The following CPD variants were observed in gnomAD, a reference collection of about 807,000 sequenced individuals.
CPD encodes carboxypeptidase D.
A neutral mutation model predicts 138.3 loss-of-function variants in CPD; 69 were observed. The observed-to-expected ratio is 0.50, with a 90% confidence interval of 0.41 to 0.61. CPD has a LOEUF of 0.61. Among genes scored for constraint, CPD ranks in the 20% least tolerant of loss-of-function variants. The pLI is 0.00. For synonymous variants in CPD, 651 were observed against 642.1 expected, an observed-to-expected ratio of 1.01 and a Z score of -0.21; for missense variants, 1,432 against 1,733.3, an observed-to-expected ratio of 0.83 and a Z score of 3.09.
chr17:30,442,711 TTAG>T (rs1403851500), intron 10 of CPD, among the ~76,000 whole-genome samples: 2 of 152,128 alleles, frequency 1.3e-5, no homozygotes, highest in African/African-American at 4.8e-5. Context: ...CTCTTAAGGG[TTAG>T]TGGTCACTTT....
intron 20 of CPD, among the ~76,000 whole-genome samples, chr17:30,463,791 T>C (rs974375298): frequency 6.6e-6 from 1 of 152,198 alleles, no homozygotes; most frequent in African/African-American, 2.4e-5. Flanking sequence ...TCTTAGCTTG[T>C]CTCAGATAAA....
At chr17:30,458,856 A>C (rs1191370923) in intron 17 of CPD, among the ~76,000 whole-genome samples, 3 of 124,372 alleles carry the variant, frequency 2.4e-5, no homozygotes, top group Non-Finnish European at 3.3e-5. Flanking sequence ...ACAGAGTGAG[A>C]CCCTGTCTCA....
At chr17:30,423,273 T>A (rs1046302230) in intron 5 of CPD, among the ~76,000 whole-genome samples, 1 of 152,184 alleles carries the variant, frequency 6.6e-6, no homozygotes, top group African/African-American at 2.4e-5. Context: ...CTGCTAATAG[T>A]GTTTTATTTA....
chr17:30,447,288 C>A lies in CPD; in HGVS notation c.2873+1268C>A, dbSNP rs181182612. Among the ~76,000 whole-genome samples the A allele has an allele frequency of 8.3e-4, 126 of 152,218 alleles. 1 individual carries two copies. The highest frequency in any genetic ancestry group is 1.6e-3 in the Non-Finnish European group (108 of 68,016). On this transcript the variant is annotated intron_variant, in intron 12 of 20. Transcript: ENST00000225719. Reference sequence around the variant, plus strand: ...TGAATGGTATTGCCTAGGTTTTCTTCTAGGGTTTTTATGGTTTTAGGTCTA... The same window carrying A: ...TGAATGGTATTGCCTAGGTTTTCTTATAGGGTTTTTATGGTTTTAGGTCTA...
chr17:30,420,627 AT>A (rs1912240453), intron 2 of CPD, among the ~76,000 whole-genome samples: 1 of 152,112 alleles, frequency 6.6e-6, no homozygotes, highest in South Asian at 2.1e-4. Context: ...AATTAAATGT[AT>A]TTTTTCACTA....
At chr17:30,380,779 A>G in intron 1 of CPD, 1 of 584,070 alleles carries the variant, frequency 1.7e-6, no homozygotes, top group Non-Finnish European at 2.9e-6. Flanking sequence ...GATTTTCAGC[A>G]AAAAGGAGAG....
rs1334849611 is a variant in CPD, at chr17:30,427,401, A to C, written c.1860A>C (p.Ile620=). Residue 620 remains isoleucine, a synonymous_variant, in exon 7 of 21, where the codon ATA becomes ATC. Coordinates refer to ENST00000225719, the MANE Select transcript of CPD (RefSeq NM_001304.5). ...GYEKSQEGDS[I]SVIGRNNSNN... is the part of the protein sequence containing the mutation. ...TATCATATCATACAGGAGATTCAAT[A>C]AGTGTAATTGGCAGAAACAACAGCA... 1 of 1,613,942 alleles carries C rather than the reference A, an allele frequency of 6.2e-7. No individual in the cohort carries two copies. The highest frequency in any genetic ancestry group is 8.5e-7 in the Non-Finnish European group (1 of 1,179,840).
At chr17:30,381,196 G>A (rs1019523217) in intron 1 of CPD, among the ~76,000 whole-genome samples, 7 of 151,944 alleles carry the variant, frequency 4.6e-5, no homozygotes, top group African/African-American at 1.5e-4. Context: ...GAACATCTGC[G>A]TAAGAAATAT....
rs572826048 is a variant in CPD, at chr17:30,467,725, G to A, written c.*2911G>A. ...CTTATTGTGTTTGAGCTAACACCAG[G>A]TTACTCAGTAACCATGACCTGCTCC... On this transcript the variant is annotated 3_prime_UTR_variant, in exon 21 of 21. Coordinates refer to ENST00000225719, the MANE Select transcript of CPD (RefSeq NM_001304.5). 39 of 152,220 alleles carry A rather than the reference G, an allele frequency of 2.6e-4. No homozygotes were observed. The highest frequency in any genetic ancestry group is 9.4e-4 in the African/African-American group (39 of 41,534). 9.4% of individuals were successfully genotyped at this position (152,220 alleles called of 1,614,324 possible).
chr17:30,431,949 C>T, intron 8 of CPD, 68 bp downstream of exon 8: 1 of 1,085,478 alleles, frequency 9.2e-7, no homozygotes, highest in South Asian at 1.4e-5. Context: ...GCTTTAAAGT[C>T]CTGCAAGACT....
intron 18 of CPD, 121 bp from the exon 19 acceptor site, chr17:30,461,756 G>A: frequency 2.7e-6 from 2 of 754,134 alleles, no homozygotes; most frequent in Non-Finnish European, 4.4e-6. Flanking sequence ...TTTGATACTT[G>A]TTTGTGTGTG....
intron 7 of CPD, among the ~76,000 whole-genome samples, chr17:30,428,426 T>C (rs1228649272): frequency 6.6e-6 from 1 of 152,128 alleles, no homozygotes; most frequent in Non-Finnish European, 1.5e-5. Flanking sequence ...AACAAAAAAG[T>C]TGAAACAACC....
At chr17:30,430,844 G>T (rs144928410) in intron 7 of CPD, among the ~76,000 whole-genome samples, 2 of 152,090 alleles carry the variant, frequency 1.3e-5, no homozygotes, top group African/African-American at 4.8e-5. Flanking sequence ...GTAGAGACAG[G>T]GTCTCCCAGT....
chr17:30,394,238 G>A (rs1911439057), intron 2 of CPD, among the ~76,000 whole-genome samples: 1 of 148,228 alleles, frequency 6.7e-6, no homozygotes, highest in South Asian at 2.1e-4. Context: ...TAGCATGGGA[G>A]CGAAGATCCC....
chr17:30,455,198 G>A, intron 14 of CPD, 141 bp from the exon 15 acceptor site: 2 of 693,030 alleles, frequency 2.9e-6, no homozygotes, highest in South Asian at 2.0e-5. Flanking sequence ...GCTTGAGATA[G>A]TGGCTTATGG....
intron 2 of CPD, among the ~76,000 whole-genome samples, chr17:30,419,679 G>C (rs527874947): frequency 1.3e-5 from 2 of 152,186 alleles, no homozygotes; most frequent in South Asian, 4.1e-4. Flanking sequence ...AGAATGCGAG[G>C]GTTTGAAGTG....
At chr17:30,456,589 C>A in intron 17 of CPD, 63 bp downstream of exon 17, 2 of 1,537,940 alleles carry the variant, frequency 1.3e-6, no homozygotes, top group Non-Finnish European at 1.8e-6. Flanking sequence ...TATGTGTAAA[C>A]CCAGTGCTTT....
intron 2 of CPD, among the ~76,000 whole-genome samples, chr17:30,393,257 A>C (rs186800600): frequency 6.6e-6 from 1 of 152,262 alleles, no homozygotes; most frequent in Admixed American, 6.5e-5. Context: ...TTAAATATTG[A>C]AGTATGTTTG....
chr17:30,406,846 G>T lies in CPD; in HGVS notation c.995-13995G>T, dbSNP rs1482254846. 3.3e-5 allele frequency among the ~76,000 whole-genome samples: 5 copies of T among 151,976 alleles called. No individual in the cohort carries two copies. In the East Asian group the frequency reaches 9.6e-4, roughly 29 times the overall value. ...CTTTTTTATTATACTTTAAGTTCTAGGGTACATGTGCATAATGTGCAGGTT... is the reference window on the plus strand; with the variant it reads ...CTTTTTTATTATACTTTAAGTTCTATGGTACATGTGCATAATGTGCAGGTT... On this transcript the variant is annotated intron_variant, in intron 2 of 20. Coordinates refer to ENST00000225719, the MANE Select transcript of CPD (RefSeq NM_001304.5).
Sources: allele counts gnomAD v4.1 joint callset (sites outside exome capture counted in the v4.1 genomes callset), GRCh38; gene constraint gnomAD v4.1.1; transcripts MANE v1.5; gene names NCBI Gene and HGNC (gene_info 2026-07-23, HGNC 2026-07-21).